Variants in GPHN observed in about 807,000 individuals in gnomAD.
GPHN encodes the protein gephyrin.
In GPHN, 17 loss-of-function variants were observed where a neutral mutation model predicts 95.5. That is an observed-to-expected ratio of 0.18 (90% CI 0.12 to 0.27). GPHN has a LOEUF of 0.27. Ranked by LOEUF, GPHN falls within the 10% of genes least tolerant of loss-of-function variation. The pLI is 1.00. For missense variants in GPHN, 660 were observed against 978.1 expected (o/e 0.67, Z 4.34); for synonymous variants, 320 against 322.5 (o/e 0.99, Z 0.08).
chr14:66,693,950 T>A (rs1406079911), intron 2 of GPHN, among the ~76,000 whole-genome samples: 1 of 152,114 alleles, frequency 6.6e-6, no homozygotes, highest in African/African-American at 2.4e-5. Flanking sequence ...GCTTCAAGAT[T>A]TATTATAAAG....
intron 6 of GPHN, among the ~76,000 whole-genome samples, chr14:66,920,541 T>C (rs1026744270): frequency 1.3e-5 from 2 of 151,944 alleles, no homozygotes; most frequent in African/African-American, 2.4e-5. Context: ...TGCTTTTTTT[T>C]TTTTTAGAGA....
chr14:67,509,326 T>C, the GPHN span, among the ~76,000 whole-genome samples: 16 of 23,124 alleles, frequency 6.9e-4, no homozygotes, highest in East Asian at 0.011. Context: ...AACTCTCTCT[T>C]TTTTTTTTTG....
At chr14:67,201,319 A>T in the GPHN span, 58 of 351,570 alleles carry the variant, frequency 1.6e-4, no homozygotes, top group South Asian at 1.6e-4. Context: ...AAATATTTTT[A>T]AAAAAATTTA....
At chr14:67,343,452 AAATTAAT>A in the GPHN span, 1 of 1,551,262 alleles carries the variant, frequency 6.4e-7, no homozygotes, top group Non-Finnish European at 8.9e-7. Context: ...AAATAAGAAC[AAATTAAT>A]AATGTAAGCA....
intron 2 of GPHN, among the ~76,000 whole-genome samples, chr14:66,755,644 TATTTTTAAATAATTTTAAA>T (rs1408769390): frequency 2.0e-5 from 3 of 152,158 alleles, no homozygotes; most frequent in Admixed American, 1.3e-4. Flanking sequence ...TTTAGTCACA[TATTTTTAAATAATTTTAAA>T]ATTTCGTAAA....
the GPHN span, among the ~76,000 whole-genome samples, chr14:67,367,613 C>T: frequency 7.3e-6 from 1 of 137,514 alleles, no homozygotes; most frequent in Non-Finnish European, 1.5e-5. Context: ...ACGGTGGGCA[C>T]GTTGCGTGAA....
chr14:67,565,071 T>G, the GPHN span, among the ~76,000 whole-genome samples: 5 of 152,118 alleles, frequency 3.3e-5, no homozygotes, highest in Non-Finnish European at 5.9e-5. Context: ...AGGTCACTAG[T>G]GAAAATGGCA....
the GPHN span, among the ~76,000 whole-genome samples, chr14:67,542,421 G>T: frequency 6.6e-6 from 1 of 152,152 alleles, no homozygotes; most frequent in African/African-American, 2.4e-5. Flanking sequence ...AAGGACACAG[G>T]CTTTGGAGCC....
the GPHN span, chr14:67,392,346 G>T: frequency 2.5e-6 from 4 of 1,611,546 alleles, no homozygotes; most frequent in Non-Finnish European, 3.4e-6. Context: ...AGGTAGCCTT[G>T]TTTCACCACC....
intron 1 of GPHN, among the ~76,000 whole-genome samples, chr14:66,596,357 G>T (rs1020675110): frequency 6.6e-6 from 1 of 152,014 alleles, no homozygotes; most frequent in African/African-American, 2.4e-5. Context: ...GTTTCACCAG[G>T]TACCTGCCCC....
At chr14:67,423,163 C>T in the GPHN span, among the ~76,000 whole-genome samples, 1 of 152,028 alleles carries the variant, frequency 6.6e-6, no homozygotes, top group Non-Finnish European at 1.5e-5. Context: ...CTGTCATCAT[C>T]AGTGTCTTCT....
chr14:67,200,179 C>T, the GPHN span: 305 of 1,152,814 alleles, frequency 2.6e-4, no homozygotes, highest in Non-Finnish European at 3.4e-4. Context: ...ACATGGTATG[C>T]GTGGACTTCC....
chr14:67,159,207 A>G (rs2081817678), intron 18 of GPHN, among the ~76,000 whole-genome samples: 1 of 152,204 alleles, frequency 6.6e-6, no homozygotes, highest in Non-Finnish European at 1.5e-5. Flanking sequence ...GGTACTCATC[A>G]TATACCAAGT....
chr14:67,306,354 G>GT, the GPHN span, among the ~76,000 whole-genome samples: 72 of 151,288 alleles, frequency 4.8e-4, no homozygotes, highest in African/African-American at 1.1e-3. Flanking sequence ...TTTGTTTTTT[G>GT]TTTTTTTTGA....
At chr14:67,711,300 A>G in the GPHN span, among the ~76,000 whole-genome samples, 11 of 152,224 alleles carry the variant, frequency 7.2e-5, no homozygotes, top group African/African-American at 2.4e-4. Context: ...CCAAATTTTG[A>G]CACCTTATAG....
intron 8 of GPHN, among the ~76,000 whole-genome samples, chr14:66,940,100 A>G (rs1021460789): frequency 2.0e-5 from 3 of 152,136 alleles, no homozygotes; most frequent in African/African-American, 7.2e-5. Context: ...CCTGAGCTCA[A>G]TCCTAAGCCA....
chr14:66,724,236 T>C (rs2071022213), intron 2 of GPHN, among the ~76,000 whole-genome samples: 2 of 152,184 alleles, frequency 1.3e-5, no homozygotes, highest in Admixed American at 6.5e-5. Context: ...GGGGAGGGTT[T>C]TTTTTTAAGA....
chr14:67,350,044 C>A, the GPHN span, among the ~76,000 whole-genome samples: 1,293 of 152,340 alleles, frequency 8.5e-3, 12 homozygotes, highest in Admixed American at 0.018. Flanking sequence ...CCTTACCTAT[C>A]TCATAGTGTT....
chr14:66,565,921 G>A (rs1367188891), intron 1 of GPHN, among the ~76,000 whole-genome samples: 1 of 150,728 alleles, frequency 6.6e-6, no homozygotes, highest in Non-Finnish European at 1.5e-5. Flanking sequence ...AAGACTTTCA[G>A]GAAAAAGAAA....
Sources: gnomAD v4.1 joint callset for allele counts (sites outside exome capture counted in the v4.1 genomes callset) on GRCh38, gnomAD v4.1.1 for gene constraint, MANE v1.5 for transcripts, NCBI Gene and HGNC (gene_info 2026-07-23, HGNC 2026-07-21) for gene names.